Variants in FUT8 observed in about 807,000 individuals in gnomAD.
The protein encoded by FUT8 is fucosyltransferase 8, also known as alpha-(1,6)-fucosyltransferase.
FUT8 carries 29 observed loss-of-function variants against 71.3 expected under a neutral mutation model. The observed-to-expected ratio is 0.41, with a 90% CI of 0.30 to 0.55. FUT8 has a LOEUF of 0.55. Among genes scored for constraint, FUT8 ranks in the 20% least tolerant of loss-of-function variants. The pLI, the probability that FUT8 is intolerant of heterozygous loss-of-function variation, is 0.34. For synonymous variants in FUT8, 254 were observed against 239.3 expected (o/e 1.06, Z -0.57); for missense variants, 544 against 702.1 (o/e 0.77, Z 2.55).
chr14:65,425,846 G>A (rs963877925), intron 1 of FUT8, among the ~76,000 whole-genome samples: 32 of 151,782 alleles, frequency 2.1e-4, no homozygotes, highest in African/African-American at 7.0e-4. Flanking sequence ...GTGTGGTGGC[G>A]GGCCCCTGTA....
intron 2 of FUT8, among the ~76,000 whole-genome samples, chr14:65,514,691 C>CT (rs201567840): frequency 4.3e-4 from 62 of 143,798 alleles, no homozygotes; most frequent in Middle Eastern, 3.7e-3. Context: ...CAAATCACTT[C>CT]TTTTTTTTTT....
rs2066063071 is a variant in FUT8, at chr14:65,467,534, T to A, written c.-228+11816T>A. On this transcript the variant is annotated intron_variant, in intron 2 of 10. Coordinates refer to ENST00000673929, the MANE Select transcript of FUT8 (RefSeq NM_001371533.1). The surrounding 1 kb of genome is among the most constrained non-coding windows in gnomAD (Gnocchi z 4.1). ...CACTGTCGCCCGGGCTGGAGTGCAG[T>A]GGTGTGATCTTGGCTCACTGCAACC... is the stretch of plus-strand genomic sequence containing the variant. Among the ~76,000 whole-genome samples, 1 of 152,118 alleles carries A rather than the reference T, an allele frequency of 6.6e-6. No homozygotes were observed. The highest frequency in any genetic ancestry group is 1.5e-5 in the Non-Finnish European group (1 of 68,022).
chr14:65,393,458 C>T, the FUT8 span, among the ~76,000 whole-genome samples: 1 of 152,106 alleles, frequency 6.6e-6, no homozygotes, highest in Admixed American at 6.5e-5. Flanking sequence ...CGCCTCATGC[C>T]AGCTAGATTC....
At chr14:65,614,984 G>A (rs1383304468) in intron 3 of FUT8, among the ~76,000 whole-genome samples, 1 of 152,170 alleles carries the variant, frequency 6.6e-6, no homozygotes, top group African/African-American at 2.4e-5. Flanking sequence ...TGAACAGAGA[G>A]GTTGATAATA....
intron 2 of FUT8, among the ~76,000 whole-genome samples, chr14:65,474,695 T>C (rs2066208267): frequency 1.3e-5 from 2 of 152,204 alleles, no homozygotes; most frequent in Admixed American, 6.5e-5. Flanking sequence ...TTTTTTACTC[T>C]TGTCATCTTC....
At chr14:65,561,295 A>G (rs1467885777) in intron 2 of FUT8, 42 bp from the exon 3 acceptor site, 1 of 378,876 alleles carries the variant, frequency 2.6e-6, no homozygotes, top group Non-Finnish European at 4.8e-6. Flanking sequence ...GCTATTTTAT[A>G]TACCTTAAAT....
intron 3 of FUT8, among the ~76,000 whole-genome samples, chr14:65,564,368 CAAT>C (rs1886077736): frequency 6.6e-6 from 1 of 151,942 alleles, no homozygotes; most frequent in Non-Finnish European, 1.5e-5. Context: ...AGATTCAAGT[CAAT>C]AATCTGAAAA....
chr14:65,621,260 T>C (rs982013983), intron 5 of FUT8, among the ~76,000 whole-genome samples: 3 of 152,156 alleles, frequency 2.0e-5, no homozygotes, highest in Non-Finnish European at 4.4e-5. Flanking sequence ...TTTTTTTGTT[T>C]TGTTTTCTGA....
chr14:65,719,656 T>C (rs1187739179), intron 7 of FUT8, among the ~76,000 whole-genome samples: 2 of 152,196 alleles, frequency 1.3e-5, no homozygotes, highest in East Asian at 1.9e-4. Flanking sequence ...TGCAGCCATA[T>C]CTACATTAGG....
intron 2 of FUT8, among the ~76,000 whole-genome samples, chr14:65,515,983 T>C (rs573924028): frequency 1.3e-5 from 2 of 152,308 alleles, no homozygotes; most frequent in South Asian, 4.1e-4. Flanking sequence ...ATTTAGCATA[T>C]TGTTTGCTAA....
intron 1 of FUT8, among the ~76,000 whole-genome samples, chr14:65,436,901 T>C (rs1005634044): frequency 1.3e-5 from 2 of 152,268 alleles, no homozygotes; most frequent in African/African-American, 2.4e-5. Context: ...CATTTTTCAA[T>C]GTTTCTCTGA....
chr14:65,421,569 TCAGA>T (rs900433446), intron 1 of FUT8, among the ~76,000 whole-genome samples: 3 of 152,156 alleles, frequency 2.0e-5, no homozygotes, highest in Non-Finnish European at 2.9e-5. Flanking sequence ...TCTTGAACAA[TCAGA>T]CAGTCTTCTG....
At chr14:65,668,110 C>A (rs150237484) in intron 6 of FUT8, among the ~76,000 whole-genome samples, 60 of 151,984 alleles carry the variant, frequency 3.9e-4, no homozygotes, top group African/African-American at 1.4e-3. Flanking sequence ...AACCTAAAAC[C>A]ATAAAAACTC....
chr14:65,569,637 T>C (rs560053055), intron 3 of FUT8, among the ~76,000 whole-genome samples: 1 of 152,130 alleles, frequency 6.6e-6, no homozygotes, highest in Non-Finnish European at 1.5e-5. Flanking sequence ...TAAATAGTTA[T>C]TCTAATATAA....
At chr14:65,699,342 G>C (rs896654088) in intron 7 of FUT8, among the ~76,000 whole-genome samples, 3 of 152,114 alleles carry the variant, frequency 2.0e-5, no homozygotes, top group Non-Finnish European at 4.4e-5. Flanking sequence ...AGTCTGACTG[G>C]TCTGGATTCT....
chr14:65,722,183 T>G (rs537909852), intron 8 of FUT8, among the ~76,000 whole-genome samples, 162 bp downstream of exon 8: 7 of 152,346 alleles, frequency 4.6e-5, no homozygotes, highest in Admixed American at 3.3e-4. Flanking sequence ...GACTATTTTT[T>G]TTTGTTTGTT....
chr14:65,644,954 A>G (rs1891053619), intron 6 of FUT8, among the ~76,000 whole-genome samples: 1 of 152,188 alleles, frequency 6.6e-6, no homozygotes, highest in Admixed American at 6.5e-5. Context: ...TTTGGGGGCC[A>G]TTTTCAACAG....
intron 7 of FUT8, among the ~76,000 whole-genome samples, chr14:65,679,996 G>A (rs1001602830): frequency 1.6e-4 from 25 of 152,150 alleles, no homozygotes; most frequent in African/African-American, 5.6e-4. Context: ...ATTGTATATG[G>A]CCCACTGTAT....
At chr14:65,685,909 T>G (rs1893265734) in intron 7 of FUT8, among the ~76,000 whole-genome samples, 1 of 152,232 alleles carries the variant, frequency 6.6e-6, no homozygotes, top group African/African-American at 2.4e-5. Context: ...TTGGCTGGCT[T>G]CTTTATGCAA....
Sources: gnomAD v4.1 joint callset for allele counts (sites outside exome capture counted in the v4.1 genomes callset) on GRCh38, gnomAD v4.1.1 for gene constraint, Gnocchi (gnomAD v3.1) non-coding constraint, MANE v1.5 for transcripts, NCBI Gene and HGNC (gene_info 2026-07-23, HGNC 2026-07-21) for gene names.